Variants in PRKD1 observed in about 807,000 individuals in gnomAD.
The protein encoded by PRKD1 is protein kinase D1.
Under a neutral mutation model 95.9 loss-of-function variants are expected in PRKD1, and 63 were observed. That is an observed-to-expected ratio of 0.66 (90% CI 0.54 to 0.81). The LOEUF is 0.81. Ranked by LOEUF, PRKD1 falls within the 30% of genes least tolerant of loss-of-function variation. The pLI, the probability that PRKD1 is intolerant of heterozygous loss-of-function variation, is 0.00. For synonymous variants in PRKD1, 425 were observed against 423.1 expected (o/e 1.00, Z -0.05); for missense variants, 1,048 against 1,165.3 (o/e 0.90, Z 1.47).
At chr14:29,916,364 C>T (rs1894887501) in intron 1 of PRKD1, among the ~76,000 whole-genome samples, 1 of 152,168 alleles carries the variant, frequency 6.6e-6, no homozygotes, top group South Asian at 2.1e-4. Flanking sequence ...ACAGGAAGGT[C>T]AGAGCTTTGC....
chr14:29,580,887 T>C (rs1181429562), intron 16 of PRKD1, among the ~76,000 whole-genome samples: 1 of 152,080 alleles, frequency 6.6e-6, no homozygotes, highest in Non-Finnish European at 1.5e-5. Context: ...GGCAATTACT[T>C]ATGAAATAAA....
chr14:29,588,009 G>A (rs1044301235), intron 16 of PRKD1, among the ~76,000 whole-genome samples: 1 of 152,056 alleles, frequency 6.6e-6, no homozygotes, highest in Non-Finnish European at 1.5e-5. Flanking sequence ...CCTCCATGCC[G>A]TTATGTCTGA....
chr14:29,826,782 C>CATATAT (rs1358133940), intron 1 of PRKD1, among the ~76,000 whole-genome samples: 3 of 25,258 alleles, frequency 1.2e-4, no homozygotes, highest in Admixed American at 6.3e-4. Flanking sequence ...CATATATATA[C>CATATAT]ATATATACAC....
chr14:29,593,780 A>G (rs1893209036), intron 16 of PRKD1, among the ~76,000 whole-genome samples: 1 of 152,200 alleles, frequency 6.6e-6, no homozygotes, highest in African/African-American at 2.4e-5. Context: ...TAAGTTACAG[A>G]TAGGTTTCTG....
chr14:29,630,767 G>A lies in PRKD1; in HGVS notation c.1647C>T (p.Ser549=), dbSNP rs561573163. ...TGTGCAAGTTGGTTCCTGTACCCAC[G>A]GAGGAGCCCTTGGGAATGACGGGCA... ...ALMPVIPKGS[S]VGTGTNLHRD... Residue 549 remains serine (S), a synonymous_variant, in exon 10 of 18, where the codon TCC becomes TCT. Transcript: ENST00000331968. 18 of 1,614,038 alleles carry A rather than the reference G, an allele frequency of 1.1e-5. No individual in the cohort carries two copies. Among genetic ancestry groups the A allele is most frequent in the Admixed American group, 6.7e-5 (4 of 59,998 alleles).
chr14:29,910,545 T>C (rs1029880918), intron 1 of PRKD1, among the ~76,000 whole-genome samples: 15 of 152,168 alleles, frequency 9.9e-5, no homozygotes, highest in African/African-American at 3.1e-4. Context: ...TAAGAATTAA[T>C]GTAGCCTTAA....
chr14:29,855,107 G>A (rs1442955824), intron 1 of PRKD1, among the ~76,000 whole-genome samples: 1 of 152,202 alleles, frequency 6.6e-6, no homozygotes, highest in African/African-American at 2.4e-5. Context: ...CCTCAACAGA[G>A]TCCCTACTGG....
Position 29,606,837 on chromosome 14 carries a change from C to T in PRKD1, c.1906-7020G>A, listed in dbSNP as rs868056609. 1.2e-4 allele frequency among the ~76,000 whole-genome samples: 19 copies of T among 152,178 alleles called. 1 individual carries two copies. The Middle Eastern group carries it at 0.01, about 82-fold the overall frequency. On this transcript the variant is annotated intron_variant, in intron 13 of 17. Coordinates refer to ENST00000331968, the MANE Select transcript of PRKD1 (RefSeq NM_002742.3). ...CAACTCCTCTTATTTTTTTATTTAA[C>T]CCAGAACAGGTTTGACTACAAGGAA...
chr14:29,915,297 G>A (rs1472699592), intron 1 of PRKD1, among the ~76,000 whole-genome samples: 1 of 152,092 alleles, frequency 6.6e-6, no homozygotes, highest in African/African-American at 2.4e-5. Flanking sequence ...GTCCAGGTGG[G>A]TAAGGACTGG....
chr14:29,880,734 C>T (rs976158051), intron 1 of PRKD1, among the ~76,000 whole-genome samples: 4 of 151,958 alleles, frequency 2.6e-5, no homozygotes, highest in Admixed American at 1.3e-4. Flanking sequence ...GCCACAGGGG[C>T]GGAGCTACAC....
rs149683270 is a variant in PRKD1 at position 29,908,962 on chromosome 14, A to T, written c.264+18287T>A. Among the ~76,000 whole-genome samples the T allele has an allele frequency of 6.7e-3, 1,021 of 152,288 alleles. 6 individuals are homozygous for T. The highest frequency in any genetic ancestry group is 0.01 in the Non-Finnish European group (698 of 68,014). On this transcript the variant is annotated intron_variant, in intron 1 of 17. Coordinates refer to ENST00000331968, the MANE Select transcript of PRKD1 (RefSeq NM_002742.3). ...CCCTCTCTGGACTAGCCAAGGTCAGAGCTGGCTCCCTCTGCTTGCAGTGAG... is the reference window on the plus strand; with the variant it reads ...CCCTCTCTGGACTAGCCAAGGTCAGTGCTGGCTCCCTCTGCTTGCAGTGAG...
chr14:29,765,835 G>A lies in PRKD1; in HGVS notation c.265-40161C>T, dbSNP rs544988664. Among the ~76,000 whole-genome samples, 1,055 of 152,200 alleles carry A rather than the reference G, an allele frequency of 6.9e-3. 5 individuals carry two copies. The highest frequency in any genetic ancestry group is 0.024 in the African/African-American group (985 of 41,522). On this transcript the variant is annotated intron_variant, in intron 1 of 17. Transcript: ENST00000331968. The stretch of plus-strand genomic sequence containing the variant: ...AAACAAGACCAAACAATATTATTTA[G>A]GTATGTACATATAGGTGGTAACATT...
At chr14:29,926,917 G>A (rs1895319869) in intron 1 of PRKD1, among the ~76,000 whole-genome samples, 1 of 152,016 alleles carries the variant, frequency 6.6e-6, no homozygotes. Context: ...GAAGAAAACT[G>A]GGAAGTCTCA....
chr14:29,688,948 C>CAAAAA (rs377212196), intron 2 of PRKD1, among the ~76,000 whole-genome samples: 85 of 32,346 alleles, frequency 2.6e-3, no homozygotes, highest in South Asian at 4.5e-3. Flanking sequence ...GACTCCGTCT[C>CAAAAA]AAAAAAAAAA....
At chr14:29,731,792 C>T (rs1886448169) in intron 1 of PRKD1, among the ~76,000 whole-genome samples, 1 of 151,892 alleles carries the variant, frequency 6.6e-6, no homozygotes, top group African/African-American at 2.4e-5. Flanking sequence ...TCTTTAAATC[C>T]CTGTGTCTTT....
At chr14:29,813,786 T>C (rs779568194) in intron 1 of PRKD1, among the ~76,000 whole-genome samples, 1 of 152,210 alleles carries the variant, frequency 6.6e-6, no homozygotes, top group African/African-American at 2.4e-5. Flanking sequence ...ATCCAATTAC[T>C]ATATCTACCA....
intron 1 of PRKD1, among the ~76,000 whole-genome samples, chr14:29,843,900 A>G (rs1009831954): frequency 1.3e-5 from 2 of 152,244 alleles, no homozygotes; most frequent in African/African-American, 4.8e-5. Flanking sequence ...TGAAAAGATG[A>G]CATTCGAGCA....
At chr14:29,859,504 A>G (rs892341261) in intron 1 of PRKD1, among the ~76,000 whole-genome samples, 1 of 151,920 alleles carries the variant, frequency 6.6e-6, no homozygotes, top group East Asian at 1.9e-4. Flanking sequence ...GATACTCAGG[A>G]GGCTGAGGCA....
At chr14:29,900,774 A>G (rs1425711294) in intron 1 of PRKD1, among the ~76,000 whole-genome samples, 1 of 152,222 alleles carries the variant, frequency 6.6e-6, no homozygotes, top group Admixed American at 6.5e-5. Flanking sequence ...AATCAAAACC[A>G]CAATGAGATA....
Sources: allele counts gnomAD v4.1 joint callset (sites outside exome capture counted in the v4.1 genomes callset), GRCh38; gene constraint gnomAD v4.1.1; transcripts MANE v1.5; gene names NCBI Gene and HGNC (gene_info 2026-07-23, HGNC 2026-07-21).